SLC36A2: variants seen among roughly 807,000 people sequenced by gnomAD.
SLC36A2 encodes proton-coupled amino acid transporter 2.
In SLC36A2, 39 loss-of-function variants were observed where a neutral mutation model predicts 42.7. The observed-to-expected ratio is 0.91, with a 90% confidence interval of 0.71 to 1.19. SLC36A2 has a LOEUF of 1.19. Ranked by LOEUF, SLC36A2 falls within the 50% of genes most tolerant of loss-of-function variation. The pLI is 0.00. For synonymous variants in SLC36A2, 237 were observed against 240.8 expected, an observed-to-expected ratio of 0.98 and a Z score of 0.15; for missense variants, 590 against 613.7, an observed-to-expected ratio of 0.96 and a Z score of 0.41.
chr5:151,328,699 C>G (rs962558876), intron 7 of SLC36A2, among the ~76,000 whole-genome samples: 7 of 152,146 alleles, frequency 4.6e-5, no homozygotes, highest in Non-Finnish European at 1.0e-4. Flanking sequence ...CTTTAGGAGT[C>G]TGAAGAGTGT....
chr5:151,347,349 A>G lies in SLC36A2; in HGVS notation c.112T>C (p.Leu38=). 1 of 1,614,228 alleles carries G rather than the reference A, an allele frequency of 6.2e-7. No individual in the cohort carries two copies. Among genetic ancestry groups the G allele is most frequent in the Non-Finnish European group, 8.5e-7 (1 of 1,180,022 alleles). Residue 38 remains leucine, a synonymous_variant, in exon 1 of 10, where the codon TTG becomes CTG. Coordinates refer to ENST00000335244, the MANE Select transcript of SLC36A2 (RefSeq NM_181776.3). ...KKLENKDSTF[L]DESPSESAGL... is the part of the protein sequence containing the mutation. ...GCTGACTCTGAAGGACTTTCATCCA[A>G]GAATGTAGAGTCCTTGTTCTCCAAC...
At chr5:151,341,018 T>A (rs1433832019) in intron 4 of SLC36A2, among the ~76,000 whole-genome samples, 1 of 152,188 alleles carries the variant, frequency 6.6e-6, no homozygotes, top group Non-Finnish European at 1.5e-5. Flanking sequence ...TATTATTGTA[T>A]CTTAAGTTCT....
At chr5:151,334,644 T>C (rs555336955) in intron 6 of SLC36A2, among the ~76,000 whole-genome samples, 4 of 152,228 alleles carry the variant, frequency 2.6e-5, no homozygotes, top group South Asian at 4.1e-4. Context: ...TGAGCTGAGA[T>C]TGTACCGCTG....
At chr5:151,347,077 A>C (rs1756516262) in intron 1 of SLC36A2, among the ~76,000 whole-genome samples, 1 of 152,150 alleles carries the variant, frequency 6.6e-6, no homozygotes, top group Admixed American at 6.5e-5. Flanking sequence ...CAGTTTCCCC[A>C]CCTGTGCCTT....
At chr5:151,323,369 C>G (rs954639160) in intron 8 of SLC36A2, among the ~76,000 whole-genome samples, 23 of 152,224 alleles carry the variant, frequency 1.5e-4, no homozygotes, top group African/African-American at 5.5e-4. Flanking sequence ...AGTCCTGCTG[C>G]CTGGGCACCC....
chr5:151,344,360 G>A (rs560918631), intron 1 of SLC36A2, 93 bp from the exon 2 acceptor site: 29 of 1,068,430 alleles, frequency 2.7e-5, no homozygotes, highest in East Asian at 1.0e-4. Flanking sequence ...CCTGATAGGC[G>A]GGCTCCTAGC....
intron 1 of SLC36A2, among the ~76,000 whole-genome samples, chr5:151,344,733 G>A (rs1437546905): frequency 1.3e-5 from 2 of 152,132 alleles, no homozygotes; most frequent in African/African-American, 4.8e-5. Flanking sequence ...AACTCAGACA[G>A]CGTAAGTAAA....
rs554868490 is a variant in SLC36A2, at chr5:151,338,908, T to C, written c.525+152A>G. On this transcript the variant is annotated intron_variant, in intron 5 of 9. Transcript: ENST00000335244. Reference sequence around the variant, plus strand: ...GTAACCACACAGAGATCTTCAGATATGTGAACTAGGGGAGGCAAGTTTGAC... The same window carrying C: ...GTAACCACACAGAGATCTTCAGATACGTGAACTAGGGGAGGCAAGTTTGAC... 97 of 644,098 alleles carry C rather than the reference T, an allele frequency of 1.5e-4. 1 individual carries two copies. Among genetic ancestry groups the C allele is most frequent in the South Asian group, 1.1e-3 (76 of 70,322 alleles). The allele number at this position is 644,098 out of a possible 1,614,324, so 39.9% of individuals were successfully genotyped here.
At chr5:151,324,135 A>G (rs1403446168) in intron 8 of SLC36A2, among the ~76,000 whole-genome samples, 1 of 151,870 alleles carries the variant, frequency 6.6e-6, no homozygotes, top group African/African-American at 2.4e-5. Flanking sequence ...TGGTCTTCCC[A>G]AATTGTTTTG....
chr5:151,316,832 G>A lies in SLC36A2; in HGVS notation c.1437C>T (p.Thr479=). The change falls in exon 10 of 10, where the codon ACC becomes ACT. Residue 479 remains threonine (T), a synonymous_variant. Coordinates refer to ENST00000335244, the MANE Select transcript of SLC36A2 (RefSeq NM_181776.3). ...AGTGCCAGGCTCACCGAACAAAAGT[G>A]GTGGAGTTGGAAAAGGGGTGAGAGT... ...SEDSHPFSNS[T]TFVR 3.1e-6 allele frequency: 5 copies of A among 1,613,544 alleles called. No individual in the cohort carries two copies. The highest frequency in any genetic ancestry group is 2.5e-6 in the Non-Finnish European group (3 of 1,179,810).
intron 9 of SLC36A2, among the ~76,000 whole-genome samples, chr5:151,318,521 A>AT (rs1341583396): frequency 9.7e-6 from 1 of 102,820 alleles, no homozygotes; most frequent in African/African-American, 5.9e-5. Flanking sequence ...AATAAATAAA[A>AT]ATATAATAAT....
intron 7 of SLC36A2, among the ~76,000 whole-genome samples, chr5:151,326,374 C>T (rs1396246237): frequency 1.3e-5 from 2 of 152,066 alleles, no homozygotes; most frequent in African/African-American, 4.8e-5. Flanking sequence ...GTTTGAAACT[C>T]CTAATTCCTG....
chr5:151,325,146 C>A, intron 8 of SLC36A2, 140 bp downstream of exon 8: 1 of 971,084 alleles, frequency 1.0e-6, no homozygotes, highest in Non-Finnish European at 1.6e-6. Context: ...ATCTGGAGAC[C>A]GTGGTTCCAA....
chr5:151,340,398 C>T (rs148410973), intron 4 of SLC36A2, among the ~76,000 whole-genome samples: 204 of 152,282 alleles, frequency 1.3e-3, no homozygotes, highest in African/African-American at 4.7e-3. Context: ...CTATAGGAGA[C>T]GTTCGGGACA....
chr5:151,316,953 A>C lies in SLC36A2; in HGVS notation c.1316T>G (p.Leu439Arg). 6.2e-7 allele frequency: 1 copy of C among 1,613,952 alleles called. No individual in the cohort carries two copies. The highest frequency in any genetic ancestry group is 1.3e-5 in the African/African-American group (1 of 74,980). Residue 439 changes from leucine (L) to arginine (R), a missense_variant, in exon 10 of 10, where the codon CTC (leucine) becomes CGC (arginine). Coordinates refer to ENST00000335244, the MANE Select transcript of SLC36A2 (RefSeq NM_181776.3). ...TTFYSEGMSP[L>R]TIFKDALISI... ...GATCAGGGCGTCCTTGAAGATGGTG[A>C]GGGGGCTCATGCCCTCTGAGTAGAA... is the stretch of plus-strand genomic sequence containing the variant.
chr5:151,330,896 T>G (rs550019916), intron 7 of SLC36A2, among the ~76,000 whole-genome samples: 14 of 152,302 alleles, frequency 9.2e-5, no homozygotes, highest in African/African-American at 2.9e-4. Context: ...TAGAAAAAGA[T>G]ATAGCCAAAA....
At chr5:151,321,768 C>G (rs1244204715) in intron 9 of SLC36A2, 1 of 403,234 alleles carries the variant, frequency 2.5e-6, no homozygotes, top group African/African-American at 2.1e-5. Flanking sequence ...AACCTCTGCC[C>G]TACATGTTCA....
chr5:151,330,642 T>G (rs1395370247), intron 7 of SLC36A2, among the ~76,000 whole-genome samples: 1 of 152,242 alleles, frequency 6.6e-6, no homozygotes, highest in Non-Finnish European at 1.5e-5. Flanking sequence ...TCTGAGTAGA[T>G]ATAATAGCCT....
At chr5:151,320,369 A>C (rs888556478) in intron 9 of SLC36A2, among the ~76,000 whole-genome samples, 3 of 149,096 alleles carry the variant, frequency 2.0e-5, no homozygotes, top group African/African-American at 7.5e-5. Context: ...TGTACTGATA[A>C]TTATCTAAAA....
Sources: gnomAD v4.1 joint callset for allele counts (sites outside exome capture counted in the v4.1 genomes callset) on GRCh38, gnomAD v4.1.1 for gene constraint, MANE v1.5 for transcripts, NCBI Gene and HGNC (gene_info 2026-07-23, HGNC 2026-07-21) for gene names.